TBC1D22B: variants seen among roughly 807,000 people sequenced by gnomAD.
The protein encoded by TBC1D22B is TBC1 domain family member 22B, also known as chromosome 6 open reading frame 197.
TBC1D22B carries 32 observed loss-of-function variants against 69.1 expected under a neutral mutation model. That is an observed-to-expected ratio of 0.46 (90% CI 0.35 to 0.62). TBC1D22B has a LOEUF of 0.62. TBC1D22B is among the 20% of genes least tolerant of loss of function. The probability of loss-of-function intolerance (pLI) is 0.00; values close to 1 mark genes in which losing one functional copy is unlikely to be tolerated. For missense variants in TBC1D22B, 462 were observed against 630.9 expected (o/e 0.73, Z 2.87); for synonymous variants, 206 against 229.8 (o/e 0.90, Z 0.94).
rs568341914 is a variant in TBC1D22B, at chr6:37,278,982, C to T, written c.114-322C>T. ...AACTGACACCTATTCTCTACTTTGC[C>T]TGGAAGTAATCGCCTCATTTCTCCT... is the stretch of plus-strand genomic sequence containing the variant. On this transcript the variant is annotated intron_variant, in intron 2 of 12. Transcript: ENST00000373491. 1.2e-4 allele frequency among the ~76,000 whole-genome samples: 19 copies of T among 152,188 alleles called. 1 individual carries two copies. The South Asian group carries it at 3.7e-3, about 30-fold the overall frequency.
chr6:37,283,175 GGT>G (rs930932888), intron 5 of TBC1D22B, among the ~76,000 whole-genome samples: 19 of 152,238 alleles, frequency 1.2e-4, no homozygotes, highest in African/African-American at 4.6e-4. Context: ...CAATAGTCAT[GGT>G]GTCATGTTCT....
intron 8 of TBC1D22B, among the ~76,000 whole-genome samples, chr6:37,305,555 TC>T (rs1321224815): frequency 3.3e-5 from 5 of 150,810 alleles, no homozygotes; most frequent in African/African-American, 1.2e-4. Context: ...TGTTGCTCTG[TC>T]CCCCAGGCTG....
Position 37,285,483 on chromosome 6 carries a change from C to T in TBC1D22B, c.801+1019C>T, listed in dbSNP as rs1766980054. ...GGGATTACAGGCATGTGCCACCAGG[C>T]CCGGCTAATTTTTTCTTTATCTTTT... is the stretch of plus-strand genomic sequence containing the variant. On this transcript the variant is annotated intron_variant, in intron 6 of 12. Coordinates refer to ENST00000373491, the MANE Select transcript of TBC1D22B (RefSeq NM_017772.4). Among the ~76,000 whole-genome samples, 3 of 151,548 alleles carry T rather than the reference C, an allele frequency of 2.0e-5. No homozygotes were observed. In the South Asian group the frequency reaches 6.3e-4, roughly 32 times the overall value.
chr6:37,310,060 A>G (rs576584682), intron 8 of TBC1D22B, among the ~76,000 whole-genome samples: 1 of 146,930 alleles, frequency 6.8e-6, no homozygotes, highest in East Asian at 2.0e-4. Context: ...TTATTTTTAT[A>G]TAATGTATAA....
chr6:37,295,570 T>C, intron 8 of TBC1D22B: 1 of 417,776 alleles, frequency 2.4e-6, no homozygotes, highest in Non-Finnish European at 4.9e-6. Context: ...CTCCGTTTCC[T>C]CCACTGATAT....
chr6:37,317,019 T>A, intron 11 of TBC1D22B, 92 bp from the exon 12 acceptor site: 1 of 1,474,738 alleles, frequency 6.8e-7, no homozygotes, highest in Non-Finnish European at 9.3e-7. Flanking sequence ...CGTGAAAGAG[T>A]TTCCCACCTC....
chr6:37,303,793 C>T (rs1767633201), intron 8 of TBC1D22B, among the ~76,000 whole-genome samples: 1 of 152,212 alleles, frequency 6.6e-6, no homozygotes, highest in South Asian at 2.1e-4. Flanking sequence ...GACTCCCCTT[C>T]CTCCTAGAAG....
rs1253871497 is a variant in TBC1D22B at position 37,279,591 on chromosome 6, C to T, written c.401C>T (p.Ala134Val). The change falls in exon 3 of 13, where the codon GCC (alanine) becomes GTC (valine). Residue 134 changes from alanine (A) to valine (V), a missense_variant. Transcript: ENST00000373491. ...AAGGTCATAAAGTCCAGCAGTGATGCCCAGCTGTCCAGAAACTCTAGTAAG... is the reference window on the plus strand; with the variant it reads ...AAGGTCATAAAGTCCAGCAGTGATGTCCAGCTGTCCAGAAACTCTAGTAAG... ...NYKVIKSSSD[A>V]QLSRNSSDTC... 2 of 1,611,236 alleles carry T rather than the reference C, an allele frequency of 1.2e-6. No homozygotes were observed. Among genetic ancestry groups the T allele is most frequent in the Admixed American group, 3.4e-5 (2 of 59,700 alleles).
At chr6:37,318,471 G>A (rs796528719) in intron 12 of TBC1D22B, among the ~76,000 whole-genome samples, 1 of 152,218 alleles carries the variant, frequency 6.6e-6, no homozygotes, top group East Asian at 1.9e-4. Flanking sequence ...TATATCTTGA[G>A]TTTGGAGTTT....
chr6:37,258,516 C>A (rs890107563), intron 1 of TBC1D22B, among the ~76,000 whole-genome samples: 22 of 152,150 alleles, frequency 1.4e-4, no homozygotes, highest in African/African-American at 4.8e-4. Flanking sequence ...TTGGCCCTTT[C>A]CCACTAGGAA....
At position 37,260,640 on chromosome 6, in the gene TBC1D22B, C is replaced by T. The variant is rs188153772; in HGVS notation, c.56+2667C>T. On this transcript the variant is annotated intron_variant, in intron 1 of 12. Transcript: ENST00000373491. ...GAAACTACATACCTGTTTACAGTCACTCCCCATCCACCCCACTCCAGACCC... is the reference window on the plus strand; with the variant it reads ...GAAACTACATACCTGTTTACAGTCATTCCCCATCCACCCCACTCCAGACCC... Among the ~76,000 whole-genome samples, 471 of 152,288 alleles carry T rather than the reference C, an allele frequency of 3.1e-3. 3 individuals carry two copies. The highest frequency in any genetic ancestry group is 0.011 in the African/African-American group (445 of 41,566).
intron 12 of TBC1D22B, among the ~76,000 whole-genome samples, chr6:37,325,520 A>C (rs1371713905): frequency 6.9e-6 from 1 of 144,524 alleles, no homozygotes; most frequent in Non-Finnish European, 1.5e-5. Flanking sequence ...TTCATCCCCC[A>C]GCCATAATTA....
intron 7 of TBC1D22B, among the ~76,000 whole-genome samples, chr6:37,289,849 T>C (rs1196941343): frequency 6.6e-6 from 1 of 152,214 alleles, no homozygotes; most frequent in Admixed American, 6.5e-5. Flanking sequence ...CATTAGAGTG[T>C]TGGGCCGAAT....
At chr6:37,314,631 G>A (rs1376200145) in intron 10 of TBC1D22B, among the ~76,000 whole-genome samples, 1 of 152,118 alleles carries the variant, frequency 6.6e-6, no homozygotes. Context: ...AGAAGTCGGT[G>A]GGATCTCTAA....
At chr6:37,296,440 G>C (rs143421234) in intron 8 of TBC1D22B, among the ~76,000 whole-genome samples, 451 of 152,026 alleles carry the variant, frequency 3.0e-3, no homozygotes, top group African/African-American at 1.0e-2. Context: ...GCCTCAATCT[G>C]CTGGCTCAAG....
chr6:37,307,270 G>A (rs1767750740), intron 8 of TBC1D22B, among the ~76,000 whole-genome samples: 1 of 152,042 alleles, frequency 6.6e-6, no homozygotes, highest in African/African-American at 2.4e-5. Context: ...GCTGTTTTAA[G>A]AGGTTCTTTA....
chr6:37,327,160 G>A (rs1768432779), intron 12 of TBC1D22B, among the ~76,000 whole-genome samples: 2 of 151,844 alleles, frequency 1.3e-5, no homozygotes, highest in Non-Finnish European at 2.9e-5. Context: ...ATGTAGTATG[G>A]TCCAAGGTCA....
At chr6:37,279,139 T>A (rs1019146092) in intron 2 of TBC1D22B, among the ~76,000 whole-genome samples, 165 bp from the exon 3 acceptor site, 1 of 152,214 alleles carries the variant, frequency 6.6e-6, no homozygotes, top group Admixed American at 6.5e-5. Flanking sequence ...CTCAGGCTGG[T>A]CTGGATGTAT....
At chr6:37,258,744 A>G (rs7739827) in intron 1 of TBC1D22B, among the ~76,000 whole-genome samples, 98,440 of 151,902 alleles carry the variant, frequency 0.65, 32,107 homozygotes, top group East Asian at 0.85. Context: ...CAAATTATCC[A>G]TCCATCAATC....
Sources: allele counts gnomAD v4.1 joint callset (sites outside exome capture counted in the v4.1 genomes callset), GRCh38; gene constraint gnomAD v4.1.1; transcripts MANE v1.5; gene names NCBI Gene and HGNC (gene_info 2026-07-23, HGNC 2026-07-21).